Variants in RAB4A observed in about 807,000 individuals in gnomAD.
The protein encoded by RAB4A is ras-related protein Rab-4A.
In RAB4A, 20 loss-of-function variants were observed where a neutral mutation model predicts 34.5. The observed-to-expected ratio is 0.58, with a 90% CI of 0.41 to 0.84. RAB4A has a LOEUF of 0.84. RAB4A is among the 40% of genes least tolerant of loss of function. The probability of loss-of-function intolerance (pLI) is 0.00; values close to 1 mark genes in which losing one functional copy is unlikely to be tolerated. For missense variants in RAB4A, 228 were observed against 274.5 expected, an observed-to-expected ratio of 0.83 and a Z score of 1.20; for synonymous variants, 102 against 100.0, an observed-to-expected ratio of 1.02 and a Z score of -0.12.
intron 1 of RAB4A, among the ~76,000 whole-genome samples, chr1:229,277,588 A>G (rs910881799): frequency 6.6e-6 from 1 of 151,332 alleles, no homozygotes; most frequent in African/African-American, 2.5e-5. Context: ...CCCTGGGGAT[A>G]GTCCTTTTTC....
chr1:229,297,629 A>G lies in RAB4A; in HGVS notation c.438A>G (p.Gln146=), dbSNP rs748331566. 3 of 1,582,690 alleles carry G rather than the reference A, an allele frequency of 1.9e-6. No homozygotes were observed. Among genetic ancestry groups the G allele is most frequent in the Non-Finnish European group, 2.6e-6 (3 of 1,169,282 alleles). ...TCTTAGAAGCCTCCAGATTTGCTCA[A>G]GAAAATGGCAAGTGACCTTTTACTT... ...VTFLEASRFA[Q]ENELMFLETS... The change falls in exon 5 of 8, where the codon CAA becomes CAG. Residue 146 remains glutamine (Q), a synonymous_variant. Coordinates refer to ENST00000366690, the MANE Select transcript of RAB4A (RefSeq NM_004578.4).
At chr1:229,281,618 T>C (rs961777096) in intron 1 of RAB4A, among the ~76,000 whole-genome samples, 9 of 151,970 alleles carry the variant, frequency 5.9e-5, no homozygotes, top group African/African-American at 2.2e-4. Flanking sequence ...TTTATTCCAT[T>C]TACATTATTG....
At chr1:229,300,308 G>T (rs925500880) in intron 6 of RAB4A, among the ~76,000 whole-genome samples, 1 of 152,214 alleles carries the variant, frequency 6.6e-6, no homozygotes, top group African/African-American at 2.4e-5. Flanking sequence ...AGTCATGTAT[G>T]TAGGAGGTTA....
In RAB4A at chr1:229,305,049, A is replaced by C. The variant is rs1279442852; in HGVS notation, c.*1256A>C. 3 of 1,390,926 alleles carry C rather than the reference A, an allele frequency of 2.2e-6. No homozygotes were observed. Among genetic ancestry groups the C allele is most frequent in the East Asian group, 2.7e-5 (1 of 36,816 alleles). 86.2% of individuals were successfully genotyped at this position (1,390,926 alleles called of 1,614,324 possible). A position where few individuals can be genotyped will look rare whatever the true frequency, so the allele number is the denominator to read the frequency against. On this transcript the variant is annotated 3_prime_UTR_variant, in exon 8 of 8. Coordinates refer to ENST00000366690, the MANE Select transcript of RAB4A (RefSeq NM_004578.4). ...TGTGACTTTTTAGTTGAAGACTAGT[A>C]AATTAACTTTTAGTTAGAAGATGCC... is the stretch of plus-strand genomic sequence containing the variant.
intron 1 of RAB4A, among the ~76,000 whole-genome samples, chr1:229,282,824 C>A (rs1185011159): frequency 6.6e-6 from 1 of 152,096 alleles, no homozygotes; most frequent in Non-Finnish European, 1.5e-5. Flanking sequence ...TAGTTCTTTG[C>A]TGATGATTTC....
intron 1 of RAB4A, 59 bp downstream of exon 1, chr1:229,271,429 G>A (rs1656470568): frequency 8.5e-7 from 1 of 1,182,408 alleles, no homozygotes; most frequent in Non-Finnish European, 1.0e-6. Flanking sequence ...TCGGTGGCGC[G>A]GGGCCGGGCC....
chr1:229,301,055 A>G (rs571365116), intron 6 of RAB4A, among the ~76,000 whole-genome samples: 1 of 152,330 alleles, frequency 6.6e-6, no homozygotes, highest in South Asian at 2.1e-4. Flanking sequence ...TGAAAAACAC[A>G]CATTGGGATG....
chr1:229,295,776 T>G lies in RAB4A; in HGVS notation c.228-72T>G, dbSNP rs1222264827. ...TGGTTTACAAAGCAAGCATGGGTGTTTTTTCATGGGAAAGTGGGATACAGT... is the reference window on the plus strand; with the variant it reads ...TGGTTTACAAAGCAAGCATGGGTGTGTTTTCATGGGAAAGTGGGATACAGT... On this transcript the variant is annotated intron_variant, in intron 3 of 7. Transcript: ENST00000366690. The G allele has an allele frequency of 4.0e-6, 6 of 1,498,392 alleles. No homozygotes were observed. In the East Asian group the frequency reaches 9.1e-5, roughly 23 times the overall value. The allele number at this position is 1,498,392 out of a possible 1,614,324, so 92.8% of individuals were successfully genotyped here.
intron 5 of RAB4A, among the ~76,000 whole-genome samples, chr1:229,298,072 G>A (rs1481489353): frequency 6.6e-6 from 1 of 152,132 alleles, no homozygotes; most frequent in Non-Finnish European, 1.5e-5. Flanking sequence ...TTTGGTTATA[G>A]ACAACTTTGA....
chr1:229,295,025 T>C (rs1468554262), intron 3 of RAB4A, among the ~76,000 whole-genome samples: 2 of 151,140 alleles, frequency 1.3e-5, no homozygotes, highest in South Asian at 2.1e-4. Context: ...TGCAGTGGCA[T>C]GATCGCTCAC....
chr1:229,302,285 A>T lies in RAB4A; in HGVS notation c.542-577A>T, dbSNP rs1558242282. ...TATATATATATATATATATATATATATATATATATATATATATATATATAT... is the reference window on the plus strand; with the variant it reads ...TATATATATATATATATATATATATTTATATATATATATATATATATATAT... On this transcript the variant is annotated intron_variant, in intron 6 of 7. Transcript: ENST00000366690. Among the ~76,000 whole-genome samples, 5 of 20,160 alleles carry T rather than the reference A, an allele frequency of 2.5e-4. 1 individual carries two copies. The highest frequency in any genetic ancestry group is 8.2e-4 in the African/African-American group (3 of 3,646). 13.2% of individuals were successfully genotyped at this position (20,160 alleles called of 152,430 possible).
At chr1:229,288,598 G>C (rs916881812) in intron 2 of RAB4A, 131 bp from the exon 3 acceptor site, 14 of 564,826 alleles carry the variant, frequency 2.5e-5, no homozygotes, top group Non-Finnish European at 4.4e-5. Flanking sequence ...ATGGAATGTT[G>C]GAGAAATGAA....
At chr1:229,280,741 A>G (rs1474258808) in intron 1 of RAB4A, among the ~76,000 whole-genome samples, 1 of 152,212 alleles carries the variant, frequency 6.6e-6, no homozygotes, top group Non-Finnish European at 1.5e-5. Context: ...TTCCGTCACC[A>G]CAAGATCTCT....
chr1:229,299,970 A>G (rs1458459627), intron 6 of RAB4A, among the ~76,000 whole-genome samples: 2 of 152,176 alleles, frequency 1.3e-5, no homozygotes, highest in African/African-American at 4.8e-5. Flanking sequence ...GAGCCAGCAA[A>G]GGGAGTGAGG....
Position 229,305,244 on chromosome 1 carries a change from CTG to C in RAB4A, c.*1452_*1453del. ...AAAGTATCTGAAGCAAATTCTCAGA[CTG>C]AACTACTTCTTAGACCTCACTGTAA... is the stretch of plus-strand genomic sequence containing the variant. On this transcript the variant is annotated 3_prime_UTR_variant, in exon 8 of 8. Coordinates refer to ENST00000366690, the MANE Select transcript of RAB4A (RefSeq NM_004578.4). 1 of 1,608,442 alleles carries C rather than the reference CTG, an allele frequency of 6.2e-7. No individual in the cohort carries two copies. Among genetic ancestry groups the C allele is most frequent in the African/African-American group, 1.3e-5 (1 of 74,864 alleles).
intron 1 of RAB4A, among the ~76,000 whole-genome samples, chr1:229,284,868 T>C (rs532804482): frequency 6.6e-6 from 1 of 152,322 alleles, no homozygotes; most frequent in Admixed American, 6.5e-5. Flanking sequence ...TTAGATCGTT[T>C]CCTTCAATCC....
rs1198722374 is a variant in RAB4A at position 229,304,414 on chromosome 1, A to ATAC, written c.*623_*625dup. 2.6e-5 allele frequency: 4 copies of ATAC among 152,070 alleles called. No individual in the cohort carries two copies. Among genetic ancestry groups the ATAC allele is most frequent in the Non-Finnish European group, 5.9e-5 (4 of 68,032 alleles). 9.4% of individuals were successfully genotyped at this position (152,070 alleles called of 1,614,324 possible). On this transcript the variant is annotated 3_prime_UTR_variant, in exon 8 of 8. Transcript: ENST00000366690. The stretch of plus-strand genomic sequence containing the variant: ...AAAATTGAGTTTTTCCGTGAACTTT[A>ATAC]TACTGTCCAGCTCTGTTGATTTTAA...
At chr1:229,271,448 G>T (rs1656472840) in intron 1 of RAB4A, 78 bp downstream of exon 1, 2 of 1,137,666 alleles carry the variant, frequency 1.8e-6, no homozygotes, top group African/African-American at 3.3e-5. Flanking sequence ...CCTGGGCTGC[G>T]GGGGTCTTGA....
rs1432512478 is a variant in RAB4A at position 229,303,030 on chromosome 1, T to C, written c.*12+41T>C. On this transcript the variant is annotated intron_variant, in intron 7 of 7. Transcript: ENST00000366690. Reference sequence around the variant, plus strand: ...TCCCTGCCCTGAGTTCCTGGCAAGCTCAAGTGCAGAGGCCTGTTAAAGCTT... The same window carrying C: ...TCCCTGCCCTGAGTTCCTGGCAAGCCCAAGTGCAGAGGCCTGTTAAAGCTT... 1.1e-5 allele frequency: 15 copies of C among 1,412,952 alleles called. 2 individuals are homozygous for C. The highest frequency in any genetic ancestry group is 8.5e-5 in the African/African-American group (6 of 70,982). The allele number at this position is 1,412,952 out of a possible 1,614,324, so 87.5% of individuals were successfully genotyped here.
Sources: gnomAD v4.1 joint callset for allele counts (sites outside exome capture counted in the v4.1 genomes callset) on GRCh38, gnomAD v4.1.1 for gene constraint, MANE v1.5 for transcripts, NCBI Gene and HGNC (gene_info 2026-07-23, HGNC 2026-07-21) for gene names.